The following FBN2 variants were observed in gnomAD, a reference collection of about 807,000 sequenced individuals.
FBN2 encodes the protein fibrillin-2.
FBN2 carries 105 observed loss-of-function variants against 355.6 expected under a neutral mutation model. That is an observed-to-expected ratio of 0.30 (90% CI 0.25 to 0.35). FBN2 has a LOEUF of 0.35. FBN2 is among the 10% of genes least tolerant of loss of function. FBN2 has a pLI of 1.00. For missense variants in FBN2, 3,280 were observed against 3,758.7 expected (o/e 0.87, Z 3.33); for synonymous variants, 1,350 against 1,301.2 (o/e 1.04, Z -0.81).
At chr5:128,489,613 T>C (rs1755444554) in intron 5 of FBN2, among the ~76,000 whole-genome samples, 1 of 152,196 alleles carries the variant, frequency 6.6e-6, no homozygotes. Context: ...TGATTATTTG[T>C]AATAATAAAA....
intron 63 of FBN2, among the ~76,000 whole-genome samples, chr5:128,262,710 A>T (rs1378889448): frequency 3.3e-5 from 5 of 152,216 alleles, no homozygotes; most frequent in African/African-American, 1.2e-4. Flanking sequence ...ATTGTTGGAC[A>T]GACTTGGTCC....
At chr5:128,467,637 C>T (rs1754747643) in intron 5 of FBN2, among the ~76,000 whole-genome samples, 2 of 152,066 alleles carry the variant, frequency 1.3e-5, no homozygotes, top group Non-Finnish European at 2.9e-5. Context: ...TGATGTATAC[C>T]ATGCTAACCA....
chr5:128,277,367 C>T (rs374492192), intron 58 of FBN2, among the ~76,000 whole-genome samples: 6 of 152,040 alleles, frequency 3.9e-5, no homozygotes, highest in Admixed American at 2.0e-4. Flanking sequence ...GAGACTGCTC[C>T]GCAGCTGGAA....
chr5:128,530,311 C>T (rs760243099), intron 3 of FBN2, among the ~76,000 whole-genome samples: 11 of 152,282 alleles, frequency 7.2e-5, no homozygotes, highest in Non-Finnish European at 1.5e-4. Flanking sequence ...CCACAAAACA[C>T]ATGTTAAGCA....
chr5:128,497,730 G>A (rs1201546998), intron 5 of FBN2, among the ~76,000 whole-genome samples: 1 of 152,122 alleles, frequency 6.6e-6, no homozygotes, highest in Admixed American at 6.5e-5. Context: ...TCCTGGTAAC[G>A]TGATAGTTAA....
intron 6 of FBN2, among the ~76,000 whole-genome samples, chr5:128,447,825 G>T (rs946842609): frequency 6.6e-6 from 1 of 152,104 alleles, no homozygotes; most frequent in East Asian, 1.9e-4. Context: ...TCTCTCTTTT[G>T]TACTCTTTCC....
At chr5:128,368,467 CATATATAT>C (rs1170173654) in intron 16 of FBN2, among the ~76,000 whole-genome samples, 16 of 143,234 alleles carry the variant, frequency 1.1e-4, no homozygotes, top group African/African-American at 3.4e-4. Flanking sequence ...CATATATATA[CATATATAT>C]ACATATATAT....
intron 5 of FBN2, among the ~76,000 whole-genome samples, chr5:128,473,671 C>A (rs1057347503): frequency 6.6e-6 from 1 of 152,172 alleles, no homozygotes; most frequent in African/African-American, 2.4e-5. Context: ...AGTACTGTCA[C>A]AACCCCACAG....
chr5:128,293,841 T>G (rs1001875126), intron 48 of FBN2, among the ~76,000 whole-genome samples: 6 of 150,550 alleles, frequency 4.0e-5, no homozygotes, highest in Non-Finnish European at 8.8e-5. Context: ...TTTAATTAAT[T>G]AATTAATTAT....
intron 4 of FBN2, among the ~76,000 whole-genome samples, chr5:128,519,803 A>G (rs1756381399): frequency 6.6e-6 from 1 of 152,020 alleles, no homozygotes; most frequent in African/African-American, 2.4e-5. Context: ...GGGAAGGAGT[A>G]GGAGGAGAAA....
chr5:128,430,569 T>C (rs1689099667), intron 7 of FBN2, among the ~76,000 whole-genome samples: 4 of 152,080 alleles, frequency 2.6e-5, no homozygotes, highest in Admixed American at 2.6e-4. Context: ...TACAGGCCAG[T>C]GAGGTGGCTT....
At chr5:128,334,639 G>A (rs1400822255) in intron 31 of FBN2, 80 bp downstream of exon 31, 2 of 1,464,952 alleles carry the variant, frequency 1.4e-6, no homozygotes, top group Non-Finnish European at 1.9e-6. Flanking sequence ...TCTAAGAGAT[G>A]CCAGAGAACA....
Position 128,261,719 on chromosome 5 carries a change from G to A in FBN2, c.8364+17C>T, listed in dbSNP as rs761427403. ...AGGGATAAAATTTTGTGGCAACACA[G>A]AGTGGGATATACTCACAGCAGTGGG... On this transcript the variant is annotated intron_variant, in intron 64 of 64. Transcript: ENST00000262464. 1 of 1,613,384 alleles carries A rather than the reference G, an allele frequency of 6.2e-7. No individual in the cohort carries two copies. The highest frequency in any genetic ancestry group is 2.2e-5 in the East Asian group (1 of 44,880).
chr5:128,276,325 T>C (rs1387404524), intron 58 of FBN2, among the ~76,000 whole-genome samples, 165 bp from the exon 59 acceptor site: 1 of 152,198 alleles, frequency 6.6e-6, no homozygotes, highest in Non-Finnish European at 1.5e-5. Flanking sequence ...TAAAGTAACA[T>C]GCGGGTTTAC....
intron 7 of FBN2, among the ~76,000 whole-genome samples, chr5:128,421,008 G>A (rs1753337695): frequency 6.6e-6 from 1 of 152,166 alleles, no homozygotes; most frequent in Non-Finnish European, 1.5e-5. Flanking sequence ...ATGCAAGGAA[G>A]ACAGGAGGGA....
intron 7 of FBN2, among the ~76,000 whole-genome samples, chr5:128,425,970 C>T (rs1421215134): frequency 4.6e-5 from 7 of 152,100 alleles, no homozygotes; most frequent in Non-Finnish European, 1.0e-4. Context: ...ACTACATAGA[C>T]CTAGCTGTGT....
chr5:128,287,188 C>A, intron 54 of FBN2, 120 bp downstream of exon 54: 1 of 1,200,382 alleles, frequency 8.3e-7, no homozygotes, highest in South Asian at 1.2e-5. Context: ...TAGCAAAATG[C>A]TGTCATATAT....
At chr5:128,303,144 T>C (rs1278345750) in intron 45 of FBN2, 55 bp from the exon 46 acceptor site, 7 of 1,010,048 alleles carry the variant, frequency 6.9e-6, no homozygotes, top group Non-Finnish European at 1.1e-5. Context: ...AAAAATGGGC[T>C]ATTAACCGTT....
At chr5:128,535,560 C>CA (rs1369274571) in intron 2 of FBN2, among the ~76,000 whole-genome samples, 1 of 152,178 alleles carries the variant, frequency 6.6e-6, no homozygotes, top group Non-Finnish European at 1.5e-5. Context: ...AGGCCAGTCA[C>CA]ACTGCAAGTC....
Sources: gnomAD v4.1 joint callset for allele counts (sites outside exome capture counted in the v4.1 genomes callset) on GRCh38, gnomAD v4.1.1 for gene constraint, MANE v1.5 for transcripts, NCBI Gene and HGNC (gene_info 2026-07-23, HGNC 2026-07-21) for gene names.